Variants in TKT observed in about 807,000 individuals in gnomAD.
The protein encoded by TKT is transketolase, also known as epididymis luminal protein 107.
In TKT, 47 loss-of-function variants were observed where a neutral mutation model predicts 63.9. The observed-to-expected ratio is 0.74, with a 90% CI of 0.58 to 0.94. The LOEUF is 0.94. Among genes scored for constraint, TKT ranks in the 40% least tolerant of loss-of-function variants. The pLI is 0.00. For synonymous variants in TKT, 338 were observed against 334.1 expected (o/e 1.01, Z -0.13); for missense variants, 721 against 846.2 (o/e 0.85, Z 1.84).
At chr3:53,240,415 G>A (rs1358160276) in intron 3 of TKT, 67 bp from the exon 4 acceptor site, 59 of 1,470,956 alleles carry the variant, frequency 4.0e-5, no homozygotes, top group Non-Finnish European at 5.3e-5. Context: ...CGCCTAGGGA[G>A]CCACACTCCC....
chr3:53,253,776 T>C (rs1295820190), intron 1 of TKT, among the ~76,000 whole-genome samples: 1 of 152,008 alleles, frequency 6.6e-6, no homozygotes, highest in East Asian at 1.9e-4. Flanking sequence ...AAAAAAAATT[T>C]TTTTTTTAAG....
chr3:53,249,476 G>A (rs892111927), intron 1 of TKT, among the ~76,000 whole-genome samples: 37 of 152,032 alleles, frequency 2.4e-4, no homozygotes, highest in African/African-American at 8.0e-4. Context: ...CCAGCTACTT[G>A]GGAGACTGAG....
Position 53,226,022 on chromosome 3 carries a change from G to A in TKT, c.1697-91C>T, listed in dbSNP as rs1372707493. On this transcript the variant is annotated intron_variant, in intron 13 of 13. Coordinates refer to ENST00000462138, the MANE Select transcript of TKT (RefSeq NM_001064.4). ...CTGTCAGCCTTAGTCAAGGATGGAG[G>A]AGGCTGCATATGCACTGCCTTTCTC... is the stretch of plus-strand genomic sequence containing the variant. 4.1e-5 allele frequency: 54 copies of A among 1,310,026 alleles called. No homozygotes were observed. In the East Asian group the frequency reaches 1.2e-3, roughly 29 times the overall value. 81.2% of individuals were successfully genotyped at this position (1,310,026 alleles called of 1,614,324 possible). A position where few individuals can be genotyped will look rare whatever the true frequency, so the allele number is the denominator to read the frequency against.
chr3:53,231,916 A>G (rs1397914157), intron 6 of TKT: 1 of 285,754 alleles, frequency 3.5e-6, no homozygotes, highest in African/African-American at 2.2e-5. Flanking sequence ...ACACAGGTAG[A>G]GGTGTCTGCT....
rs1553680059 is a variant in TKT, at chr3:53,242,215, T to C, written c.135A>G (p.Ala45=). The C allele has an allele frequency of 1.2e-5, 19 of 1,614,070 alleles. No homozygotes were observed. The East Asian group carries it at 4.2e-4, about 36-fold the overall frequency. The change falls in exon 2 of 14, where the codon GCA becomes GCG. Residue 45 remains alanine (A), a synonymous_variant. Coordinates refer to ENST00000462138, the MANE Select transcript of TKT (RefSeq NM_001064.4). ...SGHPTSCCSA[A]EIMAVLFFHT... ...GGAAAAAGAGGACAGCCATGATCTCTGCGGCGCTGCAGCATGACGTGGGGT... is the reference window on the plus strand; with the variant it reads ...GGAAAAAGAGGACAGCCATGATCTCCGCGGCGCTGCAGCATGACGTGGGGT...
At chr3:53,238,946 G>A (rs1553679270) in intron 4 of TKT, among the ~76,000 whole-genome samples, 2 of 152,222 alleles carry the variant, frequency 1.3e-5, no homozygotes, top group African/African-American at 4.8e-5. Flanking sequence ...GTTAGGCTCT[G>A]GGTCCCCACC....
intron 8 of TKT, among the ~76,000 whole-genome samples, chr3:53,230,083 T>G (rs1256570866): frequency 6.6e-6 from 1 of 152,184 alleles, no homozygotes; most frequent in Non-Finnish European, 1.5e-5. Context: ...CAGAGCCGTG[T>G]GCATTACAGG....
At chr3:53,226,469 A>G in intron 13 of TKT, 1 of 430,778 alleles carries the variant, frequency 2.3e-6, no homozygotes, top group East Asian at 5.0e-5. Context: ...TCCACCCTAC[A>G]CTACCTCAGG....
intron 5 of TKT, 64 bp downstream of exon 5, chr3:53,234,919 A>C (rs1704943025): frequency 1.3e-6 from 2 of 1,497,208 alleles, no homozygotes; most frequent in Admixed American, 2.0e-5. Flanking sequence ...TGCACCTGCA[A>C]AGCTGTGATC....
In TKT at chr3:53,229,304, C is replaced by T. The variant is rs782093994; in HGVS notation, c.1240G>A (p.Gly414Ser). ...AISESNINLC[G>S]SHCGVSIGED... is the part of the protein sequence containing the mutation. Reference sequence around the variant, plus strand: ...CCGATGGAAACGCCGCAGTGGGAGCCGCAGAGGTTGATGTTGCTCTCGGAG... The same window carrying T: ...CCGATGGAAACGCCGCAGTGGGAGCTGCAGAGGTTGATGTTGCTCTCGGAG... The change falls in exon 9 of 14, where the codon GGC becomes AGC. Residue 414 changes from glycine to serine, a missense_variant. Gly to Ser is a moderately conservative substitution (Grantham distance 56). Transcript: ENST00000462138. 1.2e-5 allele frequency: 19 copies of T among 1,614,024 alleles called. No individual in the cohort carries two copies. Among genetic ancestry groups the T allele is most frequent in the East Asian group, 2.2e-5 (1 of 44,868 alleles).
chr3:53,253,142 G>A (rs782019203), intron 1 of TKT, among the ~76,000 whole-genome samples: 11 of 152,014 alleles, frequency 7.2e-5, no homozygotes, highest in Non-Finnish European at 1.0e-4. Flanking sequence ...GCGCCTGGCC[G>A]AAACATTATT....
At chr3:53,245,107 C>A (rs936210355) in intron 1 of TKT, among the ~76,000 whole-genome samples, 2 of 151,564 alleles carry the variant, frequency 1.3e-5, no homozygotes, top group African/African-American at 4.9e-5. Flanking sequence ...AGTTTAAGAC[C>A]AGCCTGGCCA....
At chr3:53,255,756 A>C (rs1204660614) in intron 1 of TKT, 80 bp downstream of exon 1, 1 of 990,072 alleles carries the variant, frequency 1.0e-6, no homozygotes, top group African/African-American at 1.7e-5. Flanking sequence ...AGCGCGACCC[A>C]GAGCCCGCGG....
intron 10 of TKT, chr3:53,228,623 T>G: frequency 1.9e-6 from 1 of 519,948 alleles, no homozygotes; most frequent in South Asian, 2.0e-5. Context: ...TCCCACAGAC[T>G]GCACCAGGCA....
intron 6 of TKT, chr3:53,232,489 C>G (rs1375076589): frequency 2.5e-6 from 1 of 398,774 alleles, no homozygotes; most frequent in Non-Finnish European, 4.4e-6. Flanking sequence ...ATCAGCCCCC[C>G]TCGTGCCATA....
Position 53,236,010 on chromosome 3 carries a change from C to T in TKT, c.438-836G>A, listed in dbSNP as rs566432377. 8.1e-4 allele frequency among the ~76,000 whole-genome samples: 123 copies of T among 152,368 alleles called. 7 individuals carry two copies. In the South Asian group the frequency reaches 0.022, roughly 27 times the overall value. ...CAACAGACAGGACTTGTCTGAAGGT[C>T]GCGCTGTCAGGAAGTTGCTGAGCCA... On this transcript the variant is annotated intron_variant, in intron 4 of 13. Coordinates refer to ENST00000462138, the MANE Select transcript of TKT (RefSeq NM_001064.4).
At chr3:53,227,985 A>C in intron 12 of TKT, 71 bp downstream of exon 12, 1 of 1,361,190 alleles carries the variant, frequency 7.3e-7, no homozygotes, top group Non-Finnish European at 1.0e-6. Flanking sequence ...AGAAAGAACG[A>C]AAGAAAGAAC....
chr3:53,233,076 T>C, intron 6 of TKT, 80 bp downstream of exon 6: 2 of 1,240,898 alleles, frequency 1.6e-6, no homozygotes, highest in South Asian at 2.7e-5. Flanking sequence ...GCTGTTTCCC[T>C]GGATGTGCGG....
In TKT at chr3:53,251,160, C is replaced by A. The variant is rs952394832; in HGVS notation, c.107+4676G>T. 2.6e-5 allele frequency among the ~76,000 whole-genome samples: 4 copies of A among 152,354 alleles called. No homozygotes were observed. The East Asian group carries it at 7.7e-4, about 29-fold the overall frequency. Reference sequence around the variant, plus strand: ...TGTCCACCAGCCAGGACTGGCCAGGCATTAACCTCCCCAAAGCTGTGGGTC... The same window carrying A: ...TGTCCACCAGCCAGGACTGGCCAGGAATTAACCTCCCCAAAGCTGTGGGTC... On this transcript the variant is annotated intron_variant, in intron 1 of 13. Transcript: ENST00000462138.
Sources: gnomAD v4.1 joint callset for allele counts (sites outside exome capture counted in the v4.1 genomes callset) on GRCh38, gnomAD v4.1.1 for gene constraint, MANE v1.5 for transcripts, NCBI Gene and HGNC (gene_info 2026-07-23, HGNC 2026-07-21) for gene names.